The following PDXK variants were observed in gnomAD, a reference collection of about 807,000 sequenced individuals.
The protein encoded by PDXK is pyridoxal kinase.
In PDXK, 15 loss-of-function variants were observed where a neutral mutation model predicts 43.2. The ratio of observed to expected loss-of-function variants is 0.35; its 90% confidence interval spans 0.23 to 0.53. The LOEUF is 0.53. Among genes scored for constraint, PDXK ranks in the 20% least tolerant of loss-of-function variants. The probability of loss-of-function intolerance (pLI) is 0.92; values close to 1 mark genes in which losing one functional copy is unlikely to be tolerated. For synonymous variants in PDXK, 172 were observed against 165.4 expected, an observed-to-expected ratio of 1.04 and a Z score of -0.31; for missense variants, 343 against 417.0, an observed-to-expected ratio of 0.82 and a Z score of 1.54.
chr21:43,729,419 GT>G lies in PDXK; in HGVS notation c.88-4647del, dbSNP rs376698372. ...AGAGGGGAGTTGGCCAGGCACAGGG[GT>G]TTCAGAGCTTTACAGGATTCAGAAG... On this transcript the variant is annotated intron_variant, in intron 1 of 10. Coordinates refer to ENST00000291565, the MANE Select transcript of PDXK (RefSeq NM_003681.5). Among the ~76,000 whole-genome samples the G allele has an allele frequency of 3.6e-3, 549 of 152,346 alleles. 3 individuals carry two copies. The highest frequency in any genetic ancestry group is 0.013 in the African/African-American group (541 of 41,574).
chr21:43,757,969 G>A lies in PDXK; in HGVS notation c.*1906G>A, dbSNP rs975034933. On this transcript the variant is annotated 3_prime_UTR_variant, in exon 11 of 11. Coordinates refer to ENST00000291565, the MANE Select transcript of PDXK (RefSeq NM_003681.5). The stretch of plus-strand genomic sequence containing the variant: ...GCGTGTGCCACATTGCCAGCCACCA[G>A]GAAAGCTTTTCTTTTTCTTTTTTTT... 6.6e-6 allele frequency: 1 copy of A among 151,834 alleles called. No homozygotes were observed. Among genetic ancestry groups the A allele is most frequent in the Non-Finnish European group, 1.5e-5 (1 of 68,038 alleles). The allele number at this position is 151,834 out of a possible 1,614,324, so 9.4% of individuals were successfully genotyped here. A position where few individuals can be genotyped will look rare whatever the true frequency, so the allele number is the denominator to read the frequency against.
intron 1 of PDXK, among the ~76,000 whole-genome samples, chr21:43,725,965 T>C (rs2083249205): frequency 6.6e-6 from 1 of 152,134 alleles, no homozygotes; most frequent in African/African-American, 2.4e-5. Context: ...TCCCACGTGC[T>C]CTCCAGGCCA....
intron 1 of PDXK, among the ~76,000 whole-genome samples, chr21:43,727,367 CCCTT>C (rs3216364): frequency 0.12 from 18,040 of 152,214 alleles, 1,468 homozygotes; most frequent in South Asian, 0.29. Context: ...GGCAGCGCCT[CCCTT>C]CCTGCCCACA....
intron 2 of PDXK, 140 bp from the exon 3 acceptor site, chr21:43,741,527 T>C: frequency 1.4e-6 from 2 of 1,476,096 alleles, no homozygotes; most frequent in African/African-American, 1.4e-5. Flanking sequence ...CGCCTAGTGA[T>C]CTCCTTCGGG....
At chr21:43,719,719 T>G (rs1180641677) in intron 1 of PDXK, 3 of 985,112 alleles carry the variant, frequency 3.0e-6, no homozygotes, top group Non-Finnish European at 3.6e-6. Context: ...GGGCGGGCGG[T>G]GCGGCTCCCG....
intron 1 of PDXK, among the ~76,000 whole-genome samples, chr21:43,730,143 G>A (rs2083299290): frequency 6.6e-6 from 1 of 151,854 alleles, no homozygotes; most frequent in Non-Finnish European, 1.5e-5. Context: ...GGTTTGATTT[G>A]AATTTTTTTG....
intron 1 of PDXK, chr21:43,719,811 G>A: frequency 1.0e-6 from 1 of 985,480 alleles, no homozygotes; most frequent in Non-Finnish European, 1.2e-6. Flanking sequence ...GAACGCAGAA[G>A]CGGCCGTGGA....
chr21:43,753,456 C>A, intron 8 of PDXK, 127 bp from the exon 9 acceptor site: 1 of 906,878 alleles, frequency 1.1e-6, no homozygotes, highest in Non-Finnish European at 1.6e-6. Context: ...ACGTCCTGAG[C>A]AAGGCCACCT....
chr21:43,756,116 C>A lies in PDXK; in HGVS notation c.*53C>A. On this transcript the variant is annotated 3_prime_UTR_variant, in exon 11 of 11. Transcript: ENST00000291565. ...AGCGCGTTGGTGTCTCCGTGTTTGT[C>A]CCTGTGAAAACATGTAACGTCTGCC... 1 of 1,063,754 alleles carries A rather than the reference C, an allele frequency of 9.4e-7. No homozygotes were observed. Among genetic ancestry groups the A allele is most frequent in the South Asian group, 1.3e-5 (1 of 74,996 alleles). 65.9% of individuals were successfully genotyped at this position (1,063,754 alleles called of 1,614,324 possible).
chr21:43,727,389 C>T (rs1271821872), intron 1 of PDXK, among the ~76,000 whole-genome samples: 1 of 152,194 alleles, frequency 6.6e-6, no homozygotes, highest in Non-Finnish European at 1.5e-5. Flanking sequence ...ACAGAGCAGC[C>T]GCCTTGTGCC....
intron 9 of PDXK, 171 bp from the exon 10 acceptor site, chr21:43,755,527 A>C (rs1322501862): frequency 1.6e-6 from 1 of 636,180 alleles, no homozygotes; most frequent in Non-Finnish European, 2.8e-6. Flanking sequence ...CGTGGTGGGC[A>C]GTCCGCAGCC....
chr21:43,745,069 A>C (rs1373196237), intron 4 of PDXK, among the ~76,000 whole-genome samples: 1 of 152,154 alleles, frequency 6.6e-6, no homozygotes, highest in African/African-American at 2.4e-5. Context: ...CAGTTCATCG[A>C]GGTAGAAAGC....
chr21:43,724,981 C>T (rs1003261223), intron 1 of PDXK, among the ~76,000 whole-genome samples: 1 of 151,976 alleles, frequency 6.6e-6, no homozygotes, highest in Admixed American at 6.6e-5. Context: ...GTGGCCTCTT[C>T]TTCAGAGATG....
Position 43,719,167 on chromosome 21 carries a change from C to T in PDXK, c.-128C>T. 1 of 388,026 alleles carries T rather than the reference C, an allele frequency of 2.6e-6. No homozygotes were observed. The highest frequency in any genetic ancestry group is 4.2e-6 in the Non-Finnish European group (1 of 236,294). 24.0% of individuals were successfully genotyped at this position (388,026 alleles called of 1,614,324 possible). On this transcript the variant is annotated 5_prime_UTR_variant, in exon 1 of 11. Transcript: ENST00000291565. The stretch of plus-strand genomic sequence containing the variant: ...GTCTGCGCTGATCGGGTCCGCCGCG[C>T]GCCAGAGCCAGAGTCGCAGCCGAGG...
chr21:43,760,039 C>T lies in PDXK; in HGVS notation c.*3976C>T, dbSNP rs979914783. 10 of 144,974 alleles carry T rather than the reference C, an allele frequency of 6.9e-5. No homozygotes were observed. Among genetic ancestry groups the T allele is most frequent in the Non-Finnish European group, 6.3e-5 (4 of 63,936 alleles). 9.0% of individuals were successfully genotyped at this position (144,974 alleles called of 1,614,324 possible). A position where few individuals can be genotyped will look rare whatever the true frequency, so the allele number is the denominator to read the frequency against. On this transcript the variant is annotated 3_prime_UTR_variant, in exon 11 of 11. Coordinates refer to ENST00000291565, the MANE Select transcript of PDXK (RefSeq NM_003681.5). ...CACCGTCCCCACTCCGGACTCCCAG[C>T]ACAGGGGAGGATACCTGAGCCTGTA...
chr21:43,724,422 A>C (rs1020540107), intron 1 of PDXK, among the ~76,000 whole-genome samples: 1 of 152,190 alleles, frequency 6.6e-6, no homozygotes, highest in Non-Finnish European at 1.5e-5. Context: ...TTGGGACCTC[A>C]GCACTTGAGC....
chr21:43,741,746 G>T lies in PDXK; in HGVS notation c.222G>T (p.Met74Ile). 6.2e-7 allele frequency: 1 copy of T among 1,610,620 alleles called. No homozygotes were observed. The highest frequency in any genetic ancestry group is 8.5e-7 in the Non-Finnish European group (1 of 1,177,478). ...ELYEGLRLNN[M>I]NKYDYVLTGY... ...ACGAAGGCCTGAGGCTGAACAACAT[G>T]AATAAATATGACTACGTGCTCACAG... The change falls in exon 3 of 11, where the codon ATG (methionine) becomes ATT (isoleucine). Residue 74 changes from methionine to isoleucine, a missense_variant. Met to Ile is a conservative substitution (Grantham distance 10). Transcript: ENST00000291565.
intron 2 of PDXK, among the ~76,000 whole-genome samples, chr21:43,740,144 G>A (rs1448449377): frequency 2.0e-5 from 3 of 152,058 alleles, no homozygotes; most frequent in Non-Finnish European, 4.4e-5. Context: ...CCCAGATGCC[G>A]CACTGTGCCT....
intron 1 of PDXK, among the ~76,000 whole-genome samples, chr21:43,724,343 G>A (rs569760445): frequency 2.0e-5 from 3 of 152,178 alleles, no homozygotes; most frequent in Non-Finnish European, 2.9e-5. Context: ...AGTAGCTGTG[G>A]CAGAGGCCGA....
Sources: allele counts gnomAD v4.1 joint callset (sites outside exome capture counted in the v4.1 genomes callset), GRCh38; gene constraint gnomAD v4.1.1; transcripts MANE v1.5; gene names NCBI Gene and HGNC (gene_info 2026-07-23, HGNC 2026-07-21).